GPC5: variants seen among roughly 807,000 people sequenced by gnomAD.
The protein encoded by GPC5 is glypican-5.
In GPC5, 47 loss-of-function variants were observed where a neutral mutation model predicts 53.9. The ratio of observed to expected loss-of-function variants is 0.87; its 90% CI spans 0.69 to 1.11. The LOEUF is 1.11. GPC5 is among the 50% of genes most tolerant of loss of function. The pLI, the probability that GPC5 is intolerant of heterozygous loss-of-function variation, is 0.00. For synonymous variants in GPC5, 286 were observed against 263.3 expected, an observed-to-expected ratio of 1.09 and a Z score of -0.84; for missense variants, 748 against 713.1, an observed-to-expected ratio of 1.05 and a Z score of -0.56.
At chr13:91,500,852 T>C (rs1438295290) in intron 2 of GPC5, among the ~76,000 whole-genome samples, 1 of 152,164 alleles carries the variant, frequency 6.6e-6, no homozygotes, top group Admixed American at 6.5e-5. Flanking sequence ...GATAATTGGC[T>C]CATAGGGGTG....
rs142955753 is a variant in GPC5, at chr13:92,124,138, A to G, written c.1402-20692A>G. The stretch of plus-strand genomic sequence containing the variant: ...GTTAACTTTGTGCTTTTCTTTTAAA[A>G]AAAAAAAGCATCCAAATAAAGACAG... On this transcript the variant is annotated intron_variant, in intron 6 of 7. Coordinates refer to ENST00000377067, the MANE Select transcript of GPC5 (RefSeq NM_004466.6). Among the ~76,000 whole-genome samples the G allele has an allele frequency of 9.5e-4, 145 of 151,878 alleles. 1 individual carries two copies. In the East Asian group the frequency reaches 0.027, roughly 29 times the overall value.
chr13:91,480,412 A>C (rs1471593148), intron 2 of GPC5, among the ~76,000 whole-genome samples: 1 of 152,164 alleles, frequency 6.6e-6, no homozygotes, highest in Non-Finnish European at 1.5e-5. Context: ...CTCTATAAAG[A>C]GCGATGAGTG....
Position 92,362,620 on chromosome 13 carries a change from A to T in GPC5, c.1561+217631A>T, listed in dbSNP as rs1048730275. On this transcript the variant is annotated intron_variant, in intron 7 of 7. Coordinates refer to ENST00000377067, the MANE Select transcript of GPC5 (RefSeq NM_004466.6). ...TTCTTCCCCTGCCTTTGAAAATCTC[A>T]GCACATAATTCACCTCAGCAGAGGC... is the stretch of plus-strand genomic sequence containing the variant. Among the ~76,000 whole-genome samples, 10 of 151,754 alleles carry T rather than the reference A, an allele frequency of 6.6e-5. 1 individual carries two copies. The highest frequency in any genetic ancestry group is 2.1e-4 in the South Asian group (1 of 4,830).
chr13:91,832,139 G>T (rs1178303422), intron 5 of GPC5, among the ~76,000 whole-genome samples: 1 of 151,840 alleles, frequency 6.6e-6, no homozygotes, highest in Non-Finnish European at 1.5e-5. Context: ...GAATCTGGGT[G>T]CTCCTGTATT....
chr13:92,745,563 C>A (rs1349317061), intron 7 of GPC5, among the ~76,000 whole-genome samples: 1 of 152,056 alleles, frequency 6.6e-6, no homozygotes, highest in Non-Finnish European at 1.5e-5. Context: ...ATGGCATTGC[C>A]TTTCTGAACA....
At chr13:91,679,168 C>CATTTATTT (rs10669196) in intron 2 of GPC5, among the ~76,000 whole-genome samples, 123 of 150,904 alleles carry the variant, frequency 8.2e-4, no homozygotes, top group Middle Eastern at 3.4e-3. Context: ...AAGAAATCAA[C>CATTTATTT]ATTTATTTAT....
intron 7 of GPC5, chr13:92,447,370 CA>C (rs1877870256): frequency 6.6e-6 from 1 of 152,094 alleles, no homozygotes; most frequent in African/African-American, 2.4e-5. Context: ...AAGATATGCA[CA>C]TTTACTTGGG....
intron 6 of GPC5, among the ~76,000 whole-genome samples, chr13:91,964,100 C>G (rs1382773501): frequency 6.6e-6 from 1 of 152,158 alleles, no homozygotes; most frequent in East Asian, 1.9e-4. Context: ...TTTTTTCCTT[C>G]TGATGTTCAG....
chr13:92,652,564 G>T (rs1250538517), intron 7 of GPC5, among the ~76,000 whole-genome samples: 2 of 152,118 alleles, frequency 1.3e-5, no homozygotes, highest in African/African-American at 4.8e-5. Context: ...GGTGGACAGG[G>T]TAAAGCTCTG....
At chr13:91,674,709 T>TTA (rs376584564) in intron 2 of GPC5, among the ~76,000 whole-genome samples, 19 of 148,034 alleles carry the variant, frequency 1.3e-4, no homozygotes, top group East Asian at 3.9e-4. Flanking sequence ...TATATATTAA[T>TTA]TATATATATA....
At chr13:91,972,980 G>A (rs186337159) in intron 6 of GPC5, among the ~76,000 whole-genome samples, 129 of 152,110 alleles carry the variant, frequency 8.5e-4, no homozygotes, top group African/African-American at 2.7e-3. Flanking sequence ...TCTTTGTGGC[G>A]TTCTCTGTAT....
intron 6 of GPC5, among the ~76,000 whole-genome samples, chr13:92,110,334 GA>G (rs1264880182): frequency 6.6e-6 from 1 of 152,108 alleles, no homozygotes; most frequent in African/African-American, 2.4e-5. Flanking sequence ...TTGAATGCAA[GA>G]CCTTATTAAC....
intron 6 of GPC5, among the ~76,000 whole-genome samples, chr13:92,111,833 A>G (rs2041559542): frequency 6.6e-6 from 1 of 152,218 alleles, no homozygotes; most frequent in Non-Finnish European, 1.5e-5. Flanking sequence ...CCAGCCAACA[A>G]AATCCAAGAA....
intron 6 of GPC5, among the ~76,000 whole-genome samples, chr13:91,943,527 A>T (rs991778792): frequency 6.6e-6 from 1 of 152,140 alleles, no homozygotes; most frequent in African/African-American, 2.4e-5. Context: ...ATTTTTACTG[A>T]ATGATGGATA....
chr13:91,897,004 A>G (rs1255713894), intron 5 of GPC5, among the ~76,000 whole-genome samples: 1 of 137,834 alleles, frequency 7.3e-6, no homozygotes. Context: ...TTATTTTCCC[A>G]ACTCCTCCTC....
At chr13:92,707,748 T>C (rs188381954) in intron 7 of GPC5, among the ~76,000 whole-genome samples, 26 of 151,898 alleles carry the variant, frequency 1.7e-4, no homozygotes, top group African/African-American at 6.0e-4. Context: ...CTACAAAATA[T>C]ACAGTATATC....
intron 7 of GPC5, among the ~76,000 whole-genome samples, chr13:92,302,939 CATTCTT>C (rs1466696370): frequency 6.6e-6 from 1 of 152,176 alleles, no homozygotes; most frequent in East Asian, 1.9e-4. Flanking sequence ...TCTCTATACT[CATTCTT>C]ATACTTTTTG....
At chr13:92,628,926 C>T (rs1022352253) in intron 7 of GPC5, among the ~76,000 whole-genome samples, 3 of 152,278 alleles carry the variant, frequency 2.0e-5, no homozygotes, top group South Asian at 2.1e-4. Flanking sequence ...TTTTCAGTCA[C>T]GTTACACCAA....
At chr13:91,648,441 TAAAC>T (rs2034614317) in intron 2 of GPC5, among the ~76,000 whole-genome samples, 1 of 152,138 alleles carries the variant, frequency 6.6e-6, no homozygotes, top group African/African-American at 2.4e-5. Context: ...TCTTACATCT[TAAAC>T]AACAGAAAAT....
Sources: gnomAD v4.1 joint callset for allele counts (sites outside exome capture counted in the v4.1 genomes callset) on GRCh38, gnomAD v4.1.1 for gene constraint, MANE v1.5 for transcripts, NCBI Gene and HGNC (gene_info 2026-07-23, HGNC 2026-07-21) for gene names.